OTOA: variants seen among roughly 807,000 people sequenced by gnomAD.
OTOA encodes otoancorin.
A neutral mutation model predicts 110.8 loss-of-function variants in OTOA; 70 were observed. The observed-to-expected ratio is 0.63, with a 90% CI of 0.52 to 0.77. The LOEUF is 0.77. Among genes scored for constraint, OTOA ranks in the 30% least tolerant of loss-of-function variants. OTOA has a pLI of 0.00. For missense variants in OTOA, 917 were observed against 1,075.8 expected (o/e 0.85, Z 2.06); for synonymous variants, 373 against 431.5 (o/e 0.86, Z 1.68).
rs530866594 is a variant in OTOA, at chr16:21,679,053, A to G, written c.138A>G (p.Gly46=). 6.2e-7 allele frequency: 1 copy of G among 1,614,032 alleles called. No homozygotes were observed. The highest frequency in any genetic ancestry group is 1.3e-5 in the African/African-American group (1 of 75,028). ...LQNMAEEIID[G]SYLNALLDLI... is the part of the protein sequence containing the mutation. ...CCTTTTAGGAAGAAATAATAGATGGAAGCTATCTGAATGGTAATGTGCCCC... is the reference window on the plus strand; with the variant it reads ...CCTTTTAGGAAGAAATAATAGATGGGAGCTATCTGAATGGTAATGTGCCCC... The change falls in exon 4 of 29, where the codon GGA becomes GGG. Residue 46 remains glycine, a synonymous_variant. Transcript: ENST00000646100.
intron 1 of OTOA, among the ~76,000 whole-genome samples, chr16:21,676,015 C>G (rs1049677970): frequency 6.6e-6 from 1 of 152,194 alleles, no homozygotes; most frequent in African/African-American, 2.4e-5. Context: ...GCAGCCTCAA[C>G]TTTCCAGGCT....
At chr16:21,721,337 C>T (rs2141707876) in intron 17 of OTOA, 1 of 455,492 alleles carries the variant, frequency 2.2e-6, no homozygotes, top group Non-Finnish European at 4.4e-6. Context: ...CAGTTGTTCT[C>T]AACAGAGTAC....
At chr16:21,701,302 C>T (rs1898048611) in intron 11 of OTOA, among the ~76,000 whole-genome samples, 1 of 152,172 alleles carries the variant, frequency 6.6e-6, no homozygotes, top group Non-Finnish European at 1.5e-5. Context: ...TGTCTCTCAG[C>T]ACAGAAATGA....
rs375091519 is a variant in OTOA at position 21,678,454 on chromosome 16, G to GTA, written c.-4-43_-4-42dup. On this transcript the variant is annotated intron_variant, in intron 1 of 28. Transcript: ENST00000646100. ...TACATGTATATATATGTGTGTGTGT[G>GTA]TATATATATATATATTAAAAAAACA... is the stretch of plus-strand genomic sequence containing the variant. 1.8e-3 allele frequency: 1,594 copies of GTA among 864,572 alleles called. 3 individuals are homozygous for GTA. The highest frequency in any genetic ancestry group is 9.8e-3 in the African/African-American group (567 of 57,644). The allele number at this position is 864,572 out of a possible 1,614,324, so 53.6% of individuals were successfully genotyped here.
At chr16:21,759,222 T>C (rs1474914697) in intron 28 of OTOA, among the ~76,000 whole-genome samples, 4 of 152,132 alleles carry the variant, frequency 2.6e-5, no homozygotes, top group South Asian at 4.1e-4. Flanking sequence ...AGGCAACCAA[T>C]GTTAGCAGCT....
At chr16:21,677,317 C>A (rs1323717358) in intron 1 of OTOA, among the ~76,000 whole-genome samples, 1 of 152,106 alleles carries the variant, frequency 6.6e-6, no homozygotes, top group Non-Finnish European at 1.5e-5. Flanking sequence ...CATATCATCA[C>A]CAACATTTGA....
intron 1 of OTOA, among the ~76,000 whole-genome samples, chr16:21,666,969 AG>A (rs1966841332): frequency 6.6e-6 from 1 of 152,172 alleles, no homozygotes; most frequent in Non-Finnish European, 1.5e-5. Context: ...GAGCACAAGA[AG>A]CCACATTGTC....
At position 21,709,904 on chromosome 16, in the gene OTOA, T is replaced by G. The variant is rs1400563170; in HGVS notation, c.1121T>G (p.Leu374Arg). ...TCCTTCCAGCTCAAAGCAGAACTCC[T>G]GGACATTGCCATGGAGAACCAGACC... Reference protein sequence around the residue: ...AGVQKLKAELLDIAMENQTLN... With the variant: ...AGVQKLKAELRDIAMENQTLN... The change falls in exon 13 of 29, where the codon CTG becomes CGG. Residue 374 changes from leucine (L) to arginine (R), a missense_variant. Leu to Arg is a moderately radical substitution (Grantham distance 102). Transcript: ENST00000646100. 1.2e-6 allele frequency: 2 copies of G among 1,613,696 alleles called. No individual in the cohort carries two copies. The highest frequency in any genetic ancestry group is 2.7e-5 in the African/African-American group (2 of 74,906).
At position 21,676,539 on chromosome 16, in the gene OTOA, A is replaced by G. The variant is rs549604751; in HGVS notation, c.-4-1972A>G. The stretch of plus-strand genomic sequence containing the variant: ...ATGTGTTTGGAGGTTTTTCCATTGC[A>G]GCTTGCAGGAGCTATTCTCATTCCC... On this transcript the variant is annotated intron_variant, in intron 1 of 28. Transcript: ENST00000646100. Among the ~76,000 whole-genome samples the G allele has an allele frequency of 5.9e-5, 9 of 152,270 alleles. 1 individual carries two copies. In the South Asian group the frequency reaches 1.9e-3, roughly 32 times the overall value.
intron 22 of OTOA, among the ~76,000 whole-genome samples, chr16:21,737,820 G>C (rs1292027603): frequency 6.6e-6 from 1 of 152,300 alleles, no homozygotes; most frequent in East Asian, 1.9e-4. Flanking sequence ...GCCTGTCCAA[G>C]TGTTAGATAT....
At chr16:21,713,713 T>G (rs961653449) in intron 13 of OTOA, among the ~76,000 whole-genome samples, 1 of 152,204 alleles carries the variant, frequency 6.6e-6, no homozygotes, top group Admixed American at 6.5e-5. Context: ...CTGTGCTCAC[T>G]GTCTCCATTA....
chr16:21,700,504 C>T (rs1898029773), intron 10 of OTOA, among the ~76,000 whole-genome samples: 1 of 151,844 alleles, frequency 6.6e-6, no homozygotes, highest in South Asian at 2.1e-4. Flanking sequence ...GCGGGTGGAT[C>T]ACTTGATGCT....
intron 12 of OTOA, among the ~76,000 whole-genome samples, chr16:21,708,355 T>G (rs961199753): frequency 2.0e-5 from 3 of 152,058 alleles, no homozygotes; most frequent in Admixed American, 6.6e-5. Context: ...GAGGCAGAGC[T>G]CAGGCGGTAA....
chr16:21,697,918 A>T, intron 10 of OTOA, 43 bp downstream of exon 10: 1 of 1,506,600 alleles, frequency 6.6e-7, no homozygotes, highest in Non-Finnish European at 9.2e-7. Context: ...TTACTAATAC[A>T]CTTGGGGTAA....
intron 17 of OTOA, among the ~76,000 whole-genome samples, chr16:21,722,287 A>T (rs1340329458): frequency 6.7e-6 from 1 of 150,142 alleles, no homozygotes; most frequent in South Asian, 2.1e-4. Flanking sequence ...AAAAAACACA[A>T]GTGAGCTCAT....
intron 20 of OTOA, 173 bp from the exon 21 acceptor site, chr16:21,730,664 C>G: frequency 3.4e-6 from 2 of 584,288 alleles, no homozygotes; most frequent in South Asian, 3.7e-5. Flanking sequence ...AGGGATGACT[C>G]TGATTGGTCA....
At position 21,755,425 on chromosome 16, in the gene OTOA, A is replaced by T. The variant is rs1361719381; in HGVS notation, c.3154-1657A>T. Among the ~76,000 whole-genome samples the T allele has an allele frequency of 2.1e-4, 21 of 99,458 alleles. 1 individual carries two copies. The South Asian group carries it at 4.9e-3, about 23-fold the overall frequency. 65.2% of individuals were successfully genotyped at this position (99,458 alleles called of 152,430 possible). On this transcript the variant is annotated intron_variant, in intron 27 of 28. Coordinates refer to ENST00000646100, the MANE Select transcript of OTOA (RefSeq NM_144672.4). ...GTTAATGGTATATGGAAGCCAAAAA[A>T]GTACCTCTCTGACCACCCCACCGTG...
chr16:21,758,818 A>G lies in OTOA; in HGVS notation c.3349+1541A>G, dbSNP rs540348965. Among the ~76,000 whole-genome samples, 79 of 151,774 alleles carry G rather than the reference A, an allele frequency of 5.2e-4. 1 individual carries two copies. The Middle Eastern group carries it at 0.01, about 20-fold the overall frequency. On this transcript the variant is annotated intron_variant, in intron 28 of 28. Transcript: ENST00000646100. ...GAGTTTTGAGACCAGCCTGGCCAACATGGCAAAACCCCGTCTCTACTAAAA... is the reference window on the plus strand; with the variant it reads ...GAGTTTTGAGACCAGCCTGGCCAACGTGGCAAAACCCCGTCTCTACTAAAA...
intron 6 of OTOA, chr16:21,684,555 A>T: frequency 6.5e-7 from 1 of 1,548,552 alleles, no homozygotes; most frequent in East Asian, 2.4e-5. Context: ...GGGACCAGGC[A>T]GGCCATGGAA....
Sources: gnomAD v4.1 joint callset for allele counts (sites outside exome capture counted in the v4.1 genomes callset) on GRCh38, gnomAD v4.1.1 for gene constraint, MANE v1.5 for transcripts, NCBI Gene and HGNC (gene_info 2026-07-23, HGNC 2026-07-21) for gene names.